Variants in LMO4 observed in about 807,000 individuals in gnomAD.
The protein encoded by LMO4 is LIM domain only 4.
A neutral mutation model predicts 18.5 loss-of-function variants in LMO4; 3 were observed. The observed-to-expected ratio is 0.16, with a 90% CI of 0.07 to 0.42. The LOEUF is 0.42. Among genes scored for constraint, LMO4 ranks in the 10% least tolerant of loss-of-function variants. LMO4 has a pLI of 0.99. For synonymous variants in LMO4, 100 were observed against 88.1 expected (o/e 1.14, Z -0.76); for missense variants, 121 against 219.9 (o/e 0.55, Z 2.84).
At position 87,332,059 on chromosome 1, in the gene LMO4, C is replaced by T; in HGVS notation, c.44C>T (p.Ala15Val). 6.2e-7 allele frequency: 1 copy of T among 1,613,474 alleles called. No individual in the cohort carries two copies. Among genetic ancestry groups the T allele is most frequent in the Non-Finnish European group, 8.5e-7 (1 of 1,179,976 alleles). Residue 15 changes from alanine (A) to valine (V), a missense_variant, in exon 2 of 5, where the codon GCC becomes GTC. This residue lies in a region of LMO4 where 51 missense variants were observed against 56.8 expected (regional missense o/e 0.90). Transcript: ENST00000370544. ...GSSSQPPPVT[A>V]GSLSWKRCAG... ...AGCTCGCAGCCGCCCCCGGTGACGG[C>T]CGGCTCCCTCTCCTGGAAGCGGTGC...
At chr1:87,329,711 T>TA (rs1650075193) in intron 1 of LMO4, among the ~76,000 whole-genome samples, 1 of 152,130 alleles carries the variant, frequency 6.6e-6, no homozygotes, top group Non-Finnish European at 1.5e-5. Flanking sequence ...CTGGTTCTTT[T>TA]AAAAAAATTC....
At position 87,339,637 on chromosome 1, in the gene LMO4, T is replaced by C. The variant is rs1650415360; in HGVS notation, c.333+5T>C. 2 of 1,576,014 alleles carry C rather than the reference T, an allele frequency of 1.3e-6. No individual in the cohort carries two copies. The highest frequency in any genetic ancestry group is 4.5e-5 in the East Asian group (2 of 44,682). On this transcript the variant is annotated splice_donor_5th_base_variant and intron_variant, in intron 3 of 4. Coordinates refer to ENST00000370544, the MANE Select transcript of LMO4 (RefSeq NM_006769.4). Reference sequence around the variant, plus strand: ...GGCAATGTGTATCATCTTAAGGTAGTATTTGCATCTCTCTTTTTTTTTTAA... The same window carrying C: ...GGCAATGTGTATCATCTTAAGGTAGCATTTGCATCTCTCTTTTTTTTTTAA...
chr1:87,344,883 C>T lies in LMO4; in HGVS notation c.*87C>T. ...CATGTGTCTTCAGTAGACAAGTCAC[C>T]TTTGTAGCTAGCACCAGTGCCAGCT... On this transcript the variant is annotated 3_prime_UTR_variant, in exon 5 of 5. Coordinates refer to ENST00000370544, the MANE Select transcript of LMO4 (RefSeq NM_006769.4). 5.9e-6 allele frequency: 8 copies of T among 1,355,652 alleles called. No homozygotes were observed. Among genetic ancestry groups the T allele is most frequent in the Admixed American group, 1.7e-5 (1 of 58,766 alleles). 84.0% of individuals were successfully genotyped at this position (1,355,652 alleles called of 1,614,324 possible). A position where few individuals can be genotyped will look rare whatever the true frequency, so the allele number is the denominator to read the frequency against.
At chr1:87,344,687 G>T (rs555137334) in intron 4 of LMO4, 101 bp from the exon 5 acceptor site, 2 of 1,154,124 alleles carry the variant, frequency 1.7e-6, no homozygotes, top group East Asian at 2.4e-5. Flanking sequence ...TCTAATAAAA[G>T]AAGATTAGTG....
At chr1:87,331,591 G>C in intron 1 of LMO4, 1 of 185,824 alleles carries the variant, frequency 5.4e-6, no homozygotes, top group Non-Finnish European at 1.1e-5. Flanking sequence ...GGCCGGGCGC[G>C]GCGGTGGGTG....
chr1:87,338,045 C>T (rs910048193), intron 2 of LMO4, among the ~76,000 whole-genome samples: 1 of 152,192 alleles, frequency 6.6e-6, no homozygotes, highest in Non-Finnish European at 1.5e-5. Flanking sequence ...AAATTTGTTT[C>T]TCGGGCTTCC....
At chr1:87,333,547 G>T (rs1557613439) in intron 2 of LMO4, among the ~76,000 whole-genome samples, 1 of 152,166 alleles carries the variant, frequency 6.6e-6, no homozygotes. Flanking sequence ...GCTGAGTGTG[G>T]ATATGTTTAC....
At chr1:87,339,964 G>C in intron 3 of LMO4, 83 bp from the exon 4 acceptor site, 1 of 1,441,536 alleles carries the variant, frequency 6.9e-7, no homozygotes, top group Admixed American at 1.9e-5. Flanking sequence ...ACAGATACCT[G>C]CTTAATAACA....
At position 87,328,938 on chromosome 1, in the gene LMO4, G is replaced by C. The variant is rs2100770593; in HGVS notation, c.-310G>C. On this transcript the variant is annotated 5_prime_UTR_variant, in exon 1 of 5. Transcript: ENST00000370544. ...CCGCGCCTGAAGCCGCGCCGCGCGG[G>C]CCGAGGGCTCCTGCAGCTGCTCGCG... The C allele has an allele frequency of 6.6e-6, 1 of 152,382 alleles. No homozygotes were observed. The highest frequency in any genetic ancestry group is 1.5e-5 in the Non-Finnish European group (1 of 68,068). 9.4% of individuals were successfully genotyped at this position (152,382 alleles called of 1,614,324 possible).
At chr1:87,340,277 G>GT in intron 4 of LMO4, 75 bp downstream of exon 4, 1 of 1,396,644 alleles carries the variant, frequency 7.2e-7, no homozygotes, top group Non-Finnish European at 9.9e-7. Context: ...TAGCAAGAGA[G>GT]TTTTCTTGGG....
chr1:87,329,962 A>G (rs867056200), intron 1 of LMO4, among the ~76,000 whole-genome samples: 1 of 150,082 alleles, frequency 6.7e-6, no homozygotes, highest in Non-Finnish European at 1.5e-5. Flanking sequence ...TTGCTTGGCT[A>G]TGTAATTACT....
intron 1 of LMO4, among the ~76,000 whole-genome samples, chr1:87,330,034 T>C (rs1650090696): frequency 6.7e-6 from 1 of 148,318 alleles, no homozygotes; most frequent in Non-Finnish European, 1.5e-5. Context: ...CAACTCTAAA[T>C]GAAACTTGAT....
chr1:87,332,825 A>AG (rs1402949828), intron 2 of LMO4, among the ~76,000 whole-genome samples: 1 of 152,208 alleles, frequency 6.6e-6, no homozygotes, highest in Non-Finnish European at 1.5e-5. Flanking sequence ...CTTCTTATAG[A>AG]GAAAAAAAAA....
At position 87,339,652 on chromosome 1, in the gene LMO4, T is replaced by C. The variant is rs750913227; in HGVS notation, c.333+20T>C. On this transcript the variant is annotated intron_variant, in intron 3 of 4. Transcript: ENST00000370544. The stretch of plus-strand genomic sequence containing the variant: ...CTTAAGGTAGTATTTGCATCTCTCT[T>C]TTTTTTTTAAAAAAAAAATCATACC... 2.7e-6 allele frequency: 4 copies of C among 1,491,264 alleles called. No homozygotes were observed. In the South Asian group the frequency reaches 4.7e-5, roughly 17 times the overall value. 92.4% of individuals were successfully genotyped at this position (1,491,264 alleles called of 1,614,324 possible).
chr1:87,340,267 T>A, intron 4 of LMO4, 65 bp downstream of exon 4: 6 of 1,493,238 alleles, frequency 4.0e-6, no homozygotes, highest in Non-Finnish European at 5.5e-6. Context: ...CCTCTTAACC[T>A]AGCAAGAGAG....
intron 1 of LMO4, chr1:87,331,188 C>A (rs1650133622): frequency 6.6e-6 from 1 of 151,334 alleles, no homozygotes; most frequent in Non-Finnish European, 1.5e-5. Flanking sequence ...TCCTAAAGTT[C>A]AATGATCTAT....
intron 4 of LMO4, 81 bp downstream of exon 4, chr1:87,340,283 T>C (rs1256416018): frequency 7.3e-7 from 1 of 1,367,630 alleles, no homozygotes; most frequent in East Asian, 2.3e-5. Flanking sequence ...GAGAGTTTTC[T>C]TGGGTGGTTG....
chr1:87,340,443 A>G (rs943455272), intron 4 of LMO4, among the ~76,000 whole-genome samples: 1 of 152,258 alleles, frequency 6.6e-6, no homozygotes, highest in African/African-American at 2.4e-5. Flanking sequence ...CGTTGAACAT[A>G]AGATTATCAC....
chr1:87,340,685 A>T (rs1650450696), intron 4 of LMO4, among the ~76,000 whole-genome samples: 1 of 152,212 alleles, frequency 6.6e-6, no homozygotes, highest in Non-Finnish European at 1.5e-5. Flanking sequence ...TACTTTTTAG[A>T]AGAGTAATTT....
Sources: allele counts gnomAD v4.1 joint callset (sites outside exome capture counted in the v4.1 genomes callset), GRCh38; gene constraint gnomAD v4.1.1; regional missense constraint gnomAD v4.1.1; transcripts MANE v1.5; gene names NCBI Gene and HGNC (gene_info 2026-07-23, HGNC 2026-07-21).